Variants in SH3TC2 observed in about 807,000 individuals in gnomAD.
The protein encoded by SH3TC2 is SH3 domain and tetratricopeptide repeat-containing protein 2.
Under a neutral mutation model 124.5 loss-of-function variants are expected in SH3TC2, and 87 were observed. The observed-to-expected ratio is 0.70, with a 90% CI of 0.59 to 0.84. The LOEUF (loss-of-function observed/expected upper bound fraction) is 0.84. SH3TC2 is among the 40% of genes least tolerant of loss of function. The pLI is 0.00. For synonymous variants in SH3TC2, 634 were observed against 628.5 expected, an observed-to-expected ratio of 1.01 and a Z score of -0.13; for missense variants, 1,536 against 1,566.4, an observed-to-expected ratio of 0.98 and a Z score of 0.33.
At chr5:149,053,912 G>A (rs755040016) in intron 1 of SH3TC2, among the ~76,000 whole-genome samples, 3 of 152,198 alleles carry the variant, frequency 2.0e-5, no homozygotes, top group Non-Finnish European at 4.4e-5. Flanking sequence ...GTGCGCTAGG[G>A]AGAAGTAGGG....
In SH3TC2 at chr5:149,026,608, G is replaced by A. The variant is rs144733764; in HGVS notation, c.3017C>T (p.Ser1006Phe). ...DREMEGRLLE[S>F]LGQLYRNLNT... Reference sequence around the variant, plus strand: ...TAGGTTCCGATAAAGCTGCCCCAGGGACTCCAGCAGCCTCCCTTCCATCTC... The same window carrying A: ...TAGGTTCCGATAAAGCTGCCCCAGGAACTCCAGCAGCCTCCCTTCCATCTC... The change falls in exon 12 of 17, where the codon TCC becomes TTC. Residue 1006 changes from serine (S) to phenylalanine (F), a missense_variant. This residue lies in a region of SH3TC2 where 426 missense variants were observed against 443.5 expected (regional missense o/e 0.96). Transcript: ENST00000515425. 88 of 1,614,200 alleles carry A rather than the reference G, an allele frequency of 5.5e-5. No individual in the cohort carries two copies. In the African/African-American group the frequency reaches 1.1e-3, roughly 20 times the overall value.
At chr5:149,059,923 T>G (rs1204415195) in intron 1 of SH3TC2, among the ~76,000 whole-genome samples, 1 of 152,204 alleles carries the variant, frequency 6.6e-6, no homozygotes, top group Non-Finnish European at 1.5e-5. Flanking sequence ...ATGCAAAAAT[T>G]TGTTACAGCT....
chr5:149,056,710 A>G lies in SH3TC2; in HGVS notation c.53-4470T>C, dbSNP rs528006727. 5.3e-5 allele frequency among the ~76,000 whole-genome samples: 8 copies of G among 152,324 alleles called. 1 individual carries two copies. The South Asian group carries it at 1.7e-3, about 32-fold the overall frequency. ...GGCACCTCTCTGAGAAACAATAAGG[A>G]AGCTGGAAAATTAGAATGCATTCTA... On this transcript the variant is annotated intron_variant, in intron 1 of 16. Coordinates refer to ENST00000515425, the MANE Select transcript of SH3TC2 (RefSeq NM_024577.4).
intron 16 of SH3TC2, 71 bp downstream of exon 16, chr5:149,006,810 A>T: frequency 2.7e-6 from 4 of 1,485,772 alleles, no homozygotes; most frequent in South Asian, 1.1e-5. Context: ...AAGGCTCCTC[A>T]TTGTCTTTGA....
rs992094664 is a variant in SH3TC2 at position 148,996,812 on chromosome 5, A to G, written c.*7899T>C. 2.0e-5 allele frequency among the ~76,000 whole-genome samples: 3 copies of G among 152,230 alleles called. No homozygotes were observed. The highest frequency in any genetic ancestry group is 1.5e-5 in the Non-Finnish European group (1 of 68,026). On this transcript the variant is annotated 3_prime_UTR_variant, in exon 17 of 17. Transcript: ENST00000515425. ...GATCAAGTAGCTGAGAGTCATACAG[A>G]TCATGTTTAACTATGGTCCGCTAGA...
rs1753419658 is a variant in SH3TC2, at chr5:148,991,542, T to C, written c.*13169A>G. On this transcript the variant is annotated 3_prime_UTR_variant, in exon 17 of 17. Coordinates refer to ENST00000515425, the MANE Select transcript of SH3TC2 (RefSeq NM_024577.4). ...TTTCTGTCAGATAATACAGTGGTTA[T>C]ATCTGAAGGGTTTCCCCCAGGAGCT... Among the ~76,000 whole-genome samples the C allele has an allele frequency of 1.3e-5, 2 of 152,230 alleles. No individual in the cohort carries two copies. The highest frequency in any genetic ancestry group is 2.1e-4 in the South Asian group (1 of 4,830).
chr5:149,009,133 T>TTTCC, intron 14 of SH3TC2, 132 bp from the exon 15 acceptor site: 1 of 1,033,988 alleles, frequency 9.7e-7, no homozygotes, highest in Non-Finnish European at 1.5e-6. Flanking sequence ...GTCAGCCATG[T>TTTCC]TTCCCTGTGT....
At position 149,003,218 on chromosome 5, in the gene SH3TC2, G is replaced by A. The variant is rs1030458463; in HGVS notation, c.*1493C>T. The A allele has an allele frequency of 6.6e-6, 1 of 152,258 alleles. No individual in the cohort carries two copies. Among genetic ancestry groups the A allele is most frequent in the Non-Finnish European group, 1.5e-5 (1 of 68,068 alleles). The allele number at this position is 152,258 out of a possible 1,614,324, so 9.4% of individuals were successfully genotyped here. A position where few individuals can be genotyped will look rare whatever the true frequency, so the allele number is the denominator to read the frequency against. On this transcript the variant is annotated 3_prime_UTR_variant, in exon 17 of 17. Transcript: ENST00000515425. Reference sequence around the variant, plus strand: ...TGGTAAACACTCCCCTCTTGTGGGAGCTAGACCTAGTGACTCATTTATTAT... The same window carrying A: ...TGGTAAACACTCCCCTCTTGTGGGAACTAGACCTAGTGACTCATTTATTAT...
At chr5:149,060,875 A>G (rs1215213754) in intron 1 of SH3TC2, among the ~76,000 whole-genome samples, 3 of 152,236 alleles carry the variant, frequency 2.0e-5, no homozygotes, top group Non-Finnish European at 2.9e-5. Flanking sequence ...ACTGAGGTTC[A>G]AAAAACATGA....
intron 14 of SH3TC2, among the ~76,000 whole-genome samples, chr5:149,009,846 T>G (rs1217674965): frequency 2.0e-5 from 3 of 152,192 alleles, no homozygotes; most frequent in Non-Finnish European, 4.4e-5. Flanking sequence ...AAATATATTT[T>G]AATACATGCT....
chr5:149,008,647 C>A, intron 15 of SH3TC2: 1 of 659,878 alleles, frequency 1.5e-6, no homozygotes, highest in Non-Finnish European at 2.6e-6. Context: ...GAGGTGGGCA[C>A]TATTTTTAAT....
In SH3TC2 at chr5:149,006,983, C is replaced by A; in HGVS notation, c.3573G>T (p.Lys1191Asn). The change falls in exon 16 of 17, where the codon AAG becomes AAT. Residue 1191 changes from lysine (K) to asparagine (N), a missense_variant. By Grantham distance (94) the Lys-to-Asn change is moderately conservative. Around this residue, in one of 3 missense-constraint regions of SH3TC2, gnomAD observed 426 missense variants for 443.5 expected, o/e 0.96. Coordinates refer to ENST00000515425, the MANE Select transcript of SH3TC2 (RefSeq NM_024577.4). The part of the protein sequence containing the change: ...MYEMAEDCYL[K>N]TLSLCPPWLQ... The stretch of plus-strand genomic sequence containing the variant: ...GCCATGGTGGACAGAGGGACAGGGT[C>A]TTCAGGTAGCAGTCCTCAGCCATCT... The A allele has an allele frequency of 6.2e-7, 1 of 1,614,148 alleles. No homozygotes were observed. The highest frequency in any genetic ancestry group is 8.5e-7 in the Non-Finnish European group (1 of 1,180,010).
At chr5:149,034,460 T>A (rs1174205171) in intron 8 of SH3TC2, 1 of 405,032 alleles carries the variant, frequency 2.5e-6, no homozygotes, top group Admixed American at 2.7e-5. Flanking sequence ...GAAGAAGGAC[T>A]GAAAATTTTC....
chr5:149,008,896 C>T lies in SH3TC2; in HGVS notation c.3433G>A (p.Ala1145Thr). 6.2e-7 allele frequency: 1 copy of T among 1,614,198 alleles called. No homozygotes were observed. The highest frequency in any genetic ancestry group is 8.5e-7 in the Non-Finnish European group (1 of 1,180,032). ...GCGGCCAGGGTGGCAAATTCCAAAG[C>T]CTTCTCATAGCCTTCGAGGCTAATC... ...LQISLEGYEKALEFATLAARL... is the reference protein window; with the variant it reads ...LQISLEGYEKTLEFATLAARL... Residue 1145 changes from alanine (A) to threonine (T), a missense_variant, in exon 15 of 17, where the codon GCT becomes ACT. By Grantham distance (58) the Ala-to-Thr change is moderately conservative. Around this residue, in one of 3 missense-constraint regions of SH3TC2, gnomAD observed 426 missense variants for 443.5 expected, o/e 0.96. Coordinates refer to ENST00000515425, the MANE Select transcript of SH3TC2 (RefSeq NM_024577.4).
chr5:149,038,442 T>A lies in SH3TC2; in HGVS notation c.854A>T (p.Asp285Val). 1 of 1,614,152 alleles carries A rather than the reference T, an allele frequency of 6.2e-7. No individual in the cohort carries two copies. Among genetic ancestry groups the A allele is most frequent in the Non-Finnish European group, 8.5e-7 (1 of 1,180,006 alleles). ...ALTGYEPGEK[D>V]ELNFYQGESI... ...TTCTCCCTGGTAGAAATTCAGTTCA[T>A]CCTTTTCTCCTGGCTCATAACCCGT... The change falls in exon 8 of 17, where the codon GAT (aspartate) becomes GTT (valine). Residue 285 changes from aspartate to valine, a missense_variant. By Grantham distance (152) the Asp-to-Val change is radical. Transcript: ENST00000515425.
intron 1 of SH3TC2, among the ~76,000 whole-genome samples, chr5:149,056,598 T>C (rs1284863890): frequency 6.6e-6 from 1 of 152,210 alleles, no homozygotes; most frequent in Non-Finnish European, 1.5e-5. Flanking sequence ...TGTTTTTAAT[T>C]AGCACTTTGG....
At position 149,003,301 on chromosome 5, in the gene SH3TC2, T is replaced by A. The variant is rs1753627248; in HGVS notation, c.*1410A>T. The A allele has an allele frequency of 6.6e-6, 1 of 152,488 alleles. No individual in the cohort carries two copies. Among genetic ancestry groups the A allele is most frequent in the African/African-American group, 2.4e-5 (1 of 41,398 alleles). 9.4% of individuals were successfully genotyped at this position (152,488 alleles called of 1,614,324 possible). A position where few individuals can be genotyped will look rare whatever the true frequency, so the allele number is the denominator to read the frequency against. ...TTCTGTGATCAGGTTATAGAAAGAG[T>A]CACTCCCTTTTCTCCTGCTCACTCT... On this transcript the variant is annotated 3_prime_UTR_variant, in exon 17 of 17. Coordinates refer to ENST00000515425, the MANE Select transcript of SH3TC2 (RefSeq NM_024577.4).
chr5:149,035,997 A>G (rs1754277275), intron 8 of SH3TC2: 2 of 152,178 alleles, frequency 1.3e-5, no homozygotes, highest in Non-Finnish European at 2.9e-5. Flanking sequence ...AACAATAAGA[A>G]CAAGTGCCTG....
chr5:149,054,245 GAT>G (rs1202086018), intron 1 of SH3TC2, among the ~76,000 whole-genome samples: 2 of 152,102 alleles, frequency 1.3e-5, no homozygotes, highest in African/African-American at 4.8e-5. Context: ...TAGAGATTCA[GAT>G]TTTTGTGGTC....
Sources: allele counts gnomAD v4.1 joint callset (sites outside exome capture counted in the v4.1 genomes callset), GRCh38; gene constraint gnomAD v4.1.1; regional missense constraint gnomAD v4.1.1; transcripts MANE v1.5; gene names NCBI Gene and HGNC (gene_info 2026-07-23, HGNC 2026-07-21).